The following PREX2 variants were observed in gnomAD, a reference collection of about 807,000 sequenced individuals.
PREX2 encodes phosphatidylinositol-3,4,5-trisphosphate dependent Rac exchange factor 2.
Under a neutral mutation model 203.2 loss-of-function variants are expected in PREX2, and 107 were observed. The ratio of observed to expected loss-of-function variants is 0.53; its 90% CI spans 0.45 to 0.62. The LOEUF (loss-of-function observed/expected upper bound fraction) is 0.62, where lower values mean the gene tolerates loss of function less well. Ranked by LOEUF, PREX2 falls within the 20% of genes least tolerant of loss-of-function variation. The pLI is 0.00. For synonymous variants in PREX2, 672 were observed against 663.6 expected (o/e 1.01, Z -0.19); for missense variants, 1,777 against 1,955.9 (o/e 0.91, Z 1.72).
intron 1 of PREX2, among the ~76,000 whole-genome samples, chr8:68,011,677 T>G (rs1807267408): frequency 6.6e-6 from 1 of 152,156 alleles, no homozygotes; most frequent in Admixed American, 6.6e-5. Flanking sequence ...ATTGAGTCAA[T>G]GTTTTAACCA....
intron 1 of PREX2, 117 bp downstream of exon 1, chr8:67,952,652 C>G (rs1369421059): frequency 4.3e-6 from 6 of 1,406,586 alleles, no homozygotes; most frequent in Non-Finnish European, 2.0e-6. Context: ...CGGGTCGGGG[C>G]ATCACAGGCG....
At chr8:68,008,239 T>A (rs540915701) in intron 1 of PREX2, among the ~76,000 whole-genome samples, 1 of 152,368 alleles carries the variant, frequency 6.6e-6, no homozygotes, top group East Asian at 1.9e-4. Flanking sequence ...ATACTCAGGA[T>A]ATTTTCTGGA....
intron 27 of PREX2, chr8:68,118,880 G>T: frequency 1.5e-6 from 1 of 647,898 alleles, no homozygotes; most frequent in Middle Eastern, 2.6e-4. Context: ...GTAATCTTCA[G>T]ATATGCTCCA....
chr8:68,095,748 G>C (rs954956466), intron 21 of PREX2, among the ~76,000 whole-genome samples: 1 of 151,030 alleles, frequency 6.6e-6, no homozygotes, highest in African/African-American at 2.4e-5. Flanking sequence ...GTGATCCGCC[G>C]TCAGTTCCCT....
In PREX2 at chr8:68,131,134, G is replaced by C. The variant is rs545716024; in HGVS notation, c.3767-2925G>C. Among the ~76,000 whole-genome samples the C allele has an allele frequency of 2.6e-5, 4 of 152,318 alleles. No individual in the cohort carries two copies. In the South Asian group the frequency reaches 8.3e-4, roughly 32 times the overall value. Reference sequence around the variant, plus strand: ...CTGCTTTCAGATATGTTGTTTTAATGTGCTCTCCCAATAATTCTGTGAACA... The same window carrying C: ...CTGCTTTCAGATATGTTGTTTTAATCTGCTCTCCCAATAATTCTGTGAACA... On this transcript the variant is annotated intron_variant, in intron 31 of 39. Transcript: ENST00000288368.
chr8:67,971,793 A>C (rs763148245), intron 1 of PREX2, among the ~76,000 whole-genome samples: 6 of 152,196 alleles, frequency 3.9e-5, no homozygotes, highest in Non-Finnish European at 7.3e-5. Context: ...GCAGTCAACA[A>C]ATCATTTTCC....
At chr8:68,005,830 C>A (rs1486957630) in intron 1 of PREX2, among the ~76,000 whole-genome samples, 3 of 152,148 alleles carry the variant, frequency 2.0e-5, no homozygotes, top group Non-Finnish European at 4.4e-5. Context: ...AAGGAACTGG[C>A]CTTTCCATTG....
At chr8:68,224,741 AT>A in intron 39 of PREX2, 115 bp downstream of exon 39, 1 of 707,132 alleles carries the variant, frequency 1.4e-6, no homozygotes. Flanking sequence ...ACTGATTGTA[AT>A]TACGGAGATT....
intron 11 of PREX2, among the ~76,000 whole-genome samples, chr8:68,065,760 T>C (rs1402010890): frequency 6.6e-6 from 1 of 152,090 alleles, no homozygotes; most frequent in East Asian, 1.9e-4. Context: ...GTAAAGAAAA[T>C]ATTTAAATAT....
At chr8:68,230,557 T>C (rs16934362) in intron 39 of PREX2, among the ~76,000 whole-genome samples, 16,108 of 152,214 alleles carry the variant, frequency 0.11, 1,701 homozygotes, top group East Asian at 0.46. Context: ...CCTTTTACTT[T>C]GGTTCTGCTG....
At chr8:68,229,685 T>G (rs939933285) in intron 39 of PREX2, among the ~76,000 whole-genome samples, 1 of 152,202 alleles carries the variant, frequency 6.6e-6, no homozygotes, top group African/African-American at 2.4e-5. Flanking sequence ...GGAAACGTGC[T>G]GAGCAAGGTA....
At chr8:67,977,688 G>A (rs758230993) in intron 1 of PREX2, among the ~76,000 whole-genome samples, 2 of 152,078 alleles carry the variant, frequency 1.3e-5, no homozygotes, top group Non-Finnish European at 2.9e-5. Flanking sequence ...TCTGGGGAGG[G>A]GAGAGAAATT....
At chr8:68,004,973 T>C (rs1807051890) in intron 1 of PREX2, among the ~76,000 whole-genome samples, 1 of 152,116 alleles carries the variant, frequency 6.6e-6, no homozygotes, top group Admixed American at 6.5e-5. Context: ...CCGTAAATGG[T>C]GTTTTAAATA....
At chr8:68,024,442 TTTCTTTTGTTAAAGTC>T (rs1345287822) in intron 4 of PREX2, among the ~76,000 whole-genome samples, 1 of 152,054 alleles carries the variant, frequency 6.6e-6, no homozygotes, top group Non-Finnish European at 1.5e-5. Context: ...CCTTGTGGCA[TTTCTTTTGTTAAAGTC>T]TATTTTTCCT....
chr8:68,108,827 A>G (rs796167169), intron 24 of PREX2, among the ~76,000 whole-genome samples: 36 of 152,340 alleles, frequency 2.4e-4, no homozygotes, highest in African/African-American at 7.5e-4. Context: ...CTGGATAAAG[A>G]AAATGGGGTA....
At chr8:67,990,346 G>T (rs72660836) in intron 1 of PREX2, among the ~76,000 whole-genome samples, 24 of 151,634 alleles carry the variant, frequency 1.6e-4, no homozygotes, top group Non-Finnish European at 3.5e-4. Context: ...TGTGCCATAG[G>T]TCAGTGGCTC....
Position 68,080,457 on chromosome 8 carries a change from G to T in PREX2, c.1657G>T (p.Glu553Ter), listed in dbSNP as rs529924687. 6.2e-7 allele frequency: 1 copy of T among 1,610,724 alleles called. No individual in the cohort carries two copies. ...TTTTTCTGTAGTCCTTGAAAAAAGCGAATTCAAAGATGAACCCCTACTTTT... is the reference window on the plus strand; with the variant it reads ...TTTTTCTGTAGTCCTTGAAAAAAGCTAATTCAAAGATGAACCCCTACTTTT... ...GFMHHVLEKS[E>*]FKDEPLLFRF... Residue 553 changes from glutamate (E) to a stop codon, truncating the protein, a stop_gained, in exon 16 of 40, where the codon GAA becomes TAA. Coordinates refer to ENST00000288368, the MANE Select transcript of PREX2 (RefSeq NM_024870.4). LOFTEE classifies it high-confidence loss of function.
chr8:68,186,203 T>A (rs1812185579), intron 35 of PREX2, among the ~76,000 whole-genome samples: 1 of 152,150 alleles, frequency 6.6e-6, no homozygotes, highest in Non-Finnish European at 1.5e-5. Flanking sequence ...TTTTAAAAAA[T>A]AATTGAATTA....
At chr8:68,021,563 C>T (rs894700517) in intron 3 of PREX2, among the ~76,000 whole-genome samples, 3 of 152,148 alleles carry the variant, frequency 2.0e-5, no homozygotes, top group African/African-American at 7.2e-5. Flanking sequence ...TATGATCTGG[C>T]ACTTCCTTTT....
Sources: allele counts gnomAD v4.1 joint callset (sites outside exome capture counted in the v4.1 genomes callset), GRCh38; gene constraint gnomAD v4.1.1; transcripts MANE v1.5; gene names NCBI Gene and HGNC (gene_info 2026-07-23, HGNC 2026-07-21).